ZEB1: variants seen among roughly 807,000 people sequenced by gnomAD.
The protein encoded by ZEB1 is zinc finger E-box binding homeobox 1, also known as zinc finger E-box-binding homeobox 1.
Under a neutral mutation model 84.9 loss-of-function variants are expected in ZEB1, and 21 were observed. The observed-to-expected ratio is 0.25, with a 90% confidence interval of 0.18 to 0.36. The LOEUF (loss-of-function observed/expected upper bound fraction) is 0.36, where lower values mean the gene tolerates loss of function less well. Ranked by LOEUF, ZEB1 falls within the 10% of genes least tolerant of loss-of-function variation. ZEB1 has a pLI of 1.00. For synonymous variants in ZEB1, 420 were observed against 471.1 expected (o/e 0.89, Z 1.41); for missense variants, 1,104 against 1,330.2 (o/e 0.83, Z 2.65).
intron 1 of ZEB1, among the ~76,000 whole-genome samples, chr10:31,393,478 A>C (rs2050154578): frequency 6.6e-6 from 1 of 152,130 alleles, no homozygotes; most frequent in South Asian, 2.1e-4. Flanking sequence ...GAAAAGCTTA[A>C]ATTCTTCTTA....
chr10:31,521,078 T>G lies in ZEB1; in HGVS notation c.1746T>G (p.Asn582Lys). Residue 582 changes from asparagine (N) to lysine (K), a missense_variant, in exon 7 of 9, where the codon AAT becomes AAG. This residue lies in a region of ZEB1 where 531 missense variants were observed against 575.2 expected (regional missense o/e 0.92). Coordinates refer to ENST00000424869, the MANE Select transcript of ZEB1 (RefSeq NM_001174096.2). ...TTTCATCAGCTACTGGAGATGGCAA[T>G]TTGTCTCCTAGTCAGCCACCTTTAA... Reference protein sequence around the residue: ...SSVSSATGDGNLSPSQPPLKN... With the variant: ...SSVSSATGDGKLSPSQPPLKN... 6.2e-7 allele frequency: 1 copy of G among 1,614,098 alleles called. No homozygotes were observed. Among genetic ancestry groups the G allele is most frequent in the South Asian group, 1.1e-5 (1 of 91,086 alleles).
chr10:31,445,339 T>C (rs1271085817), intron 1 of ZEB1, among the ~76,000 whole-genome samples: 2 of 149,754 alleles, frequency 1.3e-5, no homozygotes, highest in Non-Finnish European at 2.9e-5. Context: ...GTTTTCTAGA[T>C]ATACAATCAT....
At chr10:31,514,393 G>T (rs991748607) in intron 5 of ZEB1, among the ~76,000 whole-genome samples, 1 of 151,892 alleles carries the variant, frequency 6.6e-6, no homozygotes. Flanking sequence ...ATCCTTTTTG[G>T]TAATAATTTC....
chr10:31,421,399 T>C (rs1041770715), intron 1 of ZEB1, among the ~76,000 whole-genome samples: 7 of 152,134 alleles, frequency 4.6e-5, no homozygotes, highest in Non-Finnish European at 1.0e-4. Flanking sequence ...AACAAATACA[T>C]TCTTACAATT....
Position 31,405,081 on chromosome 10 carries a change from C to G in ZEB1, c.59-55956C>G, listed in dbSNP as rs183449102. Among the ~76,000 whole-genome samples, 146 of 152,252 alleles carry G rather than the reference C, an allele frequency of 9.6e-4. 1 individual carries two copies. Among genetic ancestry groups the G allele is most frequent in the Admixed American group, 9.2e-3 (141 of 15,286 alleles). On this transcript the variant is annotated intron_variant, in intron 1 of 8. Coordinates refer to ENST00000424869, the MANE Select transcript of ZEB1 (RefSeq NM_001174096.2). ...AGCCTGTTCTGCAGATGAGAAATAA[C>G]AGGAAGCAGAAATTTCTTGTCTTTT... is the stretch of plus-strand genomic sequence containing the variant.
intron 1 of ZEB1, among the ~76,000 whole-genome samples, chr10:31,437,259 T>C (rs547815364): frequency 6.6e-6 from 1 of 152,176 alleles, no homozygotes; most frequent in Admixed American, 6.5e-5. Flanking sequence ...TAATACTTCA[T>C]GTATATTACT....
rs75250797 is a variant in ZEB1 at position 31,398,763 on chromosome 10, T to G, written c.59-62274T>G. Among the ~76,000 whole-genome samples the G allele has an allele frequency of 5.3e-3, 806 of 152,278 alleles. 13 individuals carry two copies. Among genetic ancestry groups the G allele is most frequent in the African/African-American group, 0.019 (772 of 41,558 alleles). On this transcript the variant is annotated intron_variant, in intron 1 of 8. Transcript: ENST00000424869. ...GTGTTTAACACTCCTTGTTTGGCCT[T>G]TTAGATACTATACTACACTGTCCTG... is the stretch of plus-strand genomic sequence containing the variant.
At chr10:31,385,580 G>T (rs1209026893) in intron 1 of ZEB1, among the ~76,000 whole-genome samples, 1 of 149,100 alleles carries the variant, frequency 6.7e-6, no homozygotes, top group Non-Finnish European at 1.5e-5. Context: ...AGGCTGGAGT[G>T]CAGTGGCACA....
At chr10:31,368,835 T>G (rs2045119545) in intron 1 of ZEB1, among the ~76,000 whole-genome samples, 1 of 152,154 alleles carries the variant, frequency 6.6e-6, no homozygotes, top group Admixed American at 6.5e-5. Flanking sequence ...TGGAAGTAAT[T>G]TGTTTACCAT....
intron 1 of ZEB1, chr10:31,321,283 T>G: frequency 1.5e-6 from 2 of 1,351,724 alleles, no homozygotes; most frequent in Non-Finnish European, 1.9e-6. Context: ...AATTATATTT[T>G]TAATATATTC....
intron 2 of ZEB1, among the ~76,000 whole-genome samples, chr10:31,475,070 G>A (rs1359475252): frequency 2.0e-5 from 3 of 150,842 alleles, no homozygotes; most frequent in African/African-American, 7.3e-5. Flanking sequence ...GTGGGGTGGG[G>A]CGGGGGGGAG....
At position 31,521,481 on chromosome 10, in the gene ZEB1, A is replaced by G. The variant is rs749783810; in HGVS notation, c.2149A>G (p.Thr717Ala). The G allele has an allele frequency of 1.9e-6, 3 of 1,614,148 alleles. No individual in the cohort carries two copies. In the South Asian group the frequency reaches 3.3e-5, roughly 18 times the overall value. Residue 717 changes from threonine to alanine, a missense_variant, in exon 7 of 9, where the codon ACA becomes GCA. This residue lies in a region of ZEB1 where 531 missense variants were observed against 575.2 expected (regional missense o/e 0.92). Transcript: ENST00000424869. Reference sequence around the variant, plus strand: ...TCTAAACCTTTCCTCATCCAGAAATACACAGGGTTACTTGTACACAGCTGA... The same window carrying G: ...TCTAAACCTTTCCTCATCCAGAAATGCACAGGGTTACTTGTACACAGCTGA... ...SPLNLSSSRN[T>A]QGYLYTAEGA...
chr10:31,469,973 G>A (rs1274120321), intron 2 of ZEB1, among the ~76,000 whole-genome samples: 1 of 151,984 alleles, frequency 6.6e-6, no homozygotes, highest in Non-Finnish European at 1.5e-5. Flanking sequence ...CACACGGCAG[G>A]GTACTCCAAC....
rs1564448638 is a variant in ZEB1 at position 31,321,036 on chromosome 10, A to C, written c.58+1744A>C. On this transcript the variant is annotated intron_variant, in intron 1 of 8. Coordinates refer to ENST00000424869, the MANE Select transcript of ZEB1 (RefSeq NM_001174096.2). The stretch of plus-strand genomic sequence containing the variant: ...TAAGAGAGGGGCAATAAATGCGTCT[A>C]TAATGGGACCGCTGCAGCGTCGAGA... 6.3e-6 allele frequency: 4 copies of C among 630,494 alleles called. No individual in the cohort carries two copies. In the South Asian group the frequency reaches 2.6e-4, roughly 41 times the overall value. 39.1% of individuals were successfully genotyped at this position (630,494 alleles called of 1,614,324 possible). A position where few individuals can be genotyped will look rare whatever the true frequency, so the allele number is the denominator to read the frequency against.
intron 1 of ZEB1, among the ~76,000 whole-genome samples, chr10:31,441,220 T>C (rs1348820915): frequency 6.6e-6 from 1 of 152,032 alleles, no homozygotes; most frequent in Admixed American, 6.5e-5. Context: ...TATAGACCAA[T>C]GGAACAGAAC....
chr10:31,330,839 T>G (rs1173388183), intron 1 of ZEB1, among the ~76,000 whole-genome samples: 1 of 152,066 alleles, frequency 6.6e-6, no homozygotes, highest in Non-Finnish European at 1.5e-5. Context: ...TTTTTTAACT[T>G]TTCTGTTTTA....
chr10:31,432,630 A>G (rs2057856315), intron 1 of ZEB1, among the ~76,000 whole-genome samples: 1 of 152,154 alleles, frequency 6.6e-6, no homozygotes. Context: ...ACATTTGATT[A>G]GTGGCTAACC....
chr10:31,332,424 CAT>C (rs1228254767), intron 1 of ZEB1, among the ~76,000 whole-genome samples: 10 of 152,264 alleles, frequency 6.6e-5, no homozygotes, highest in African/African-American at 2.2e-4. Flanking sequence ...TCTCCAAAGA[CAT>C]AAAATACTCT....
At chr10:31,321,773 A>T (rs2034146501) in intron 1 of ZEB1, 1 of 550,974 alleles carries the variant, frequency 1.8e-6, no homozygotes, top group Non-Finnish European at 3.2e-6. Flanking sequence ...TTAAGGGGGG[A>T]AAAGCGATCC....
Sources: gnomAD v4.1 joint callset for allele counts (sites outside exome capture counted in the v4.1 genomes callset) on GRCh38, gnomAD v4.1.1 for gene constraint, gnomAD v4.1.1 regional missense constraint, MANE v1.5 for transcripts, NCBI Gene and HGNC (gene_info 2026-07-23, HGNC 2026-07-21) for gene names.